The following FANCC variants were observed in gnomAD, a reference collection of about 807,000 sequenced individuals.
FANCC encodes Fanconi anemia group C protein.
FANCC carries 55 observed loss-of-function variants against 71.3 expected under a neutral mutation model. The observed-to-expected ratio is 0.77, with a 90% CI of 0.62 to 0.97. The LOEUF (loss-of-function observed/expected upper bound fraction) is 0.97, where lower values mean the gene tolerates loss of function less well. FANCC is among the 50% of genes least tolerant of loss of function. The pLI, the probability that FANCC is intolerant of heterozygous loss-of-function variation, is 0.00. For synonymous variants in FANCC, 275 were observed against 244.9 expected (o/e 1.12, Z -1.15); for missense variants, 678 against 670.9 (o/e 1.01, Z -0.12).
intron 1 of FANCC, among the ~76,000 whole-genome samples, chr9:95,311,139 G>A (rs1398511255): frequency 6.6e-6 from 1 of 150,606 alleles, no homozygotes; most frequent in Non-Finnish European, 1.5e-5. Context: ...AGCTACTCAG[G>A]AGGAGAATGG....
intron 1 of FANCC, chr9:95,293,649 G>A: frequency 6.2e-7 from 1 of 1,614,206 alleles, no homozygotes; most frequent in Admixed American, 1.7e-5. Context: ...TGATTCCTCT[G>A]TGTCGTCTTG....
chr9:95,309,822 TC>T (rs1374664883), intron 1 of FANCC, among the ~76,000 whole-genome samples: 1 of 152,156 alleles, frequency 6.6e-6, no homozygotes, highest in Non-Finnish European at 1.5e-5. Context: ...CACTCATGGA[TC>T]CAGCATGACA....
At chr9:95,261,838 G>A (rs1349686262) in intron 1 of FANCC, among the ~76,000 whole-genome samples, 1 of 152,198 alleles carries the variant, frequency 6.6e-6, no homozygotes, top group South Asian at 2.1e-4. Context: ...ACCCACACAT[G>A]CTTGATCCTG....
At chr9:95,225,311 C>A (rs1829544080) in intron 4 of FANCC, among the ~76,000 whole-genome samples, 1 of 152,272 alleles carries the variant, frequency 6.6e-6, no homozygotes, top group East Asian at 1.9e-4. Flanking sequence ...AGGGATTTAT[C>A]CCTAAATGTT....
intron 13 of FANCC, 195 bp downstream of exon 13, chr9:95,111,268 C>G: frequency 1.3e-6 from 2 of 1,550,120 alleles, no homozygotes; most frequent in Middle Eastern, 1.7e-4. Flanking sequence ...CTCTGGCCAC[C>G]TCGGTGGGGA....
chr9:95,130,844 G>C (rs1446192158), intron 8 of FANCC, among the ~76,000 whole-genome samples: 1 of 152,136 alleles, frequency 6.6e-6, no homozygotes, highest in African/African-American at 2.4e-5. Flanking sequence ...AAAATGATTT[G>C]GCTTGAGAAA....
chr9:95,114,777 C>T, intron 11 of FANCC, 67 bp from the exon 12 acceptor site: 4 of 1,335,208 alleles, frequency 3.0e-6, no homozygotes, highest in Middle Eastern at 1.9e-4. Context: ...GAACCACCTG[C>T]AGGGATGACC....
At chr9:95,103,706 CAGAGA>C (rs1327931486) in intron 14 of FANCC, among the ~76,000 whole-genome samples, 1 of 152,194 alleles carries the variant, frequency 6.6e-6, no homozygotes, top group Admixed American at 6.5e-5. Flanking sequence ...GGGCCGAGGT[CAGAGA>C]AGAGGATTCC....
intron 1 of FANCC, among the ~76,000 whole-genome samples, chr9:95,296,074 T>C (rs1834355494): frequency 6.6e-6 from 1 of 152,234 alleles, no homozygotes. Flanking sequence ...ACTTCATGGG[T>C]ATATACTTAT....
At chr9:95,211,533 G>A (rs572396280) in intron 4 of FANCC, among the ~76,000 whole-genome samples, 1 of 152,244 alleles carries the variant, frequency 6.6e-6, no homozygotes, top group South Asian at 2.1e-4. Context: ...CTATAGACCT[G>A]CCCCAACAAC....
At chr9:95,281,612 A>G (rs2136268925) in intron 1 of FANCC, among the ~76,000 whole-genome samples, 1 of 152,272 alleles carries the variant, frequency 6.6e-6, no homozygotes, top group South Asian at 2.1e-4. Flanking sequence ...ACTCACTGAT[A>G]AAAGCAAGTA....
intron 1 of FANCC, chr9:95,294,237 A>C (rs1834238530): frequency 6.3e-7 from 1 of 1,584,976 alleles, no homozygotes; most frequent in Non-Finnish European, 8.7e-7. Flanking sequence ...AGAACCCTGG[A>C]ATCAATTTTG....
chr9:95,281,690 G>T (rs903900970), intron 1 of FANCC, among the ~76,000 whole-genome samples: 1 of 151,932 alleles, frequency 6.6e-6, no homozygotes, highest in African/African-American at 2.4e-5. Flanking sequence ...TTTTAAGAAG[G>T]TTAAGACAAC....
At chr9:95,288,379 A>C (rs968004311) in intron 1 of FANCC, among the ~76,000 whole-genome samples, 1 of 152,106 alleles carries the variant, frequency 6.6e-6, no homozygotes, top group Non-Finnish European at 1.5e-5. Flanking sequence ...ATATATGTCA[A>C]GGGATTTTCT....
At chr9:95,117,420 T>C in intron 10 of FANCC, 30 bp from the exon 11 acceptor site, 3 of 1,597,284 alleles carry the variant, frequency 1.9e-6, no homozygotes, top group Non-Finnish European at 2.6e-6. Context: ...CCAAAGAGCA[T>C]GAACATTAAG....
chr9:95,314,471 G>C (rs1235609306), intron 1 of FANCC, among the ~76,000 whole-genome samples: 5 of 152,038 alleles, frequency 3.3e-5, no homozygotes, highest in African/African-American at 1.2e-4. Flanking sequence ...GACCAATATG[G>C]TGAAACCCCG....
At chr9:95,221,907 T>C (rs1829298784) in intron 4 of FANCC, among the ~76,000 whole-genome samples, 2 of 152,110 alleles carry the variant, frequency 1.3e-5, no homozygotes, top group South Asian at 2.1e-4. Context: ...CATAGGTTGG[T>C]GGTGAGAATG....
chr9:95,288,138 A>G (rs1035040267), intron 1 of FANCC, among the ~76,000 whole-genome samples: 2 of 152,180 alleles, frequency 1.3e-5, no homozygotes, highest in Non-Finnish European at 2.9e-5. Context: ...TTTAATATTA[A>G]TAAGTGGAAT....
intron 6 of FANCC, among the ~76,000 whole-genome samples, chr9:95,157,065 C>T (rs948398335): frequency 6.6e-6 from 1 of 152,114 alleles, no homozygotes; most frequent in African/African-American, 2.4e-5. Flanking sequence ...CTTCAAATGT[C>T]GAAGCAGCCA....
Sources: allele counts gnomAD v4.1 joint callset (sites outside exome capture counted in the v4.1 genomes callset), GRCh38; gene constraint gnomAD v4.1.1; transcripts MANE v1.5; gene names NCBI Gene and HGNC (gene_info 2026-07-23, HGNC 2026-07-21).